DCAF7: variants seen among roughly 807,000 people sequenced by gnomAD.
DCAF7 encodes the protein DDB1- and CUL4-associated factor 7.
In DCAF7, 4 loss-of-function variants were observed where a neutral mutation model predicts 41.2. That is an observed-to-expected ratio of 0.10 (90% confidence interval 0.05 to 0.22). The LOEUF (loss-of-function observed/expected upper bound fraction) is 0.22, where lower values mean the gene tolerates loss of function less well. DCAF7 is among the 10% of genes least tolerant of loss of function. The pLI is 1.00. For missense variants in DCAF7, 131 were observed against 443.2 expected (o/e 0.30, Z 6.32); for synonymous variants, 143 against 164.2 (o/e 0.87, Z 0.99).
At chr17:63,566,794 T>G (rs2033447155) in intron 1 of DCAF7, among the ~76,000 whole-genome samples, 1 of 152,054 alleles carries the variant, frequency 6.6e-6, no homozygotes, top group Non-Finnish European at 1.5e-5. Flanking sequence ...TCCCAGCTCC[T>G]TAAGAGGCTG....
chr17:63,561,308 C>T (rs941371002), intron 1 of DCAF7, among the ~76,000 whole-genome samples: 5 of 152,002 alleles, frequency 3.3e-5, no homozygotes, highest in Admixed American at 1.3e-4. Flanking sequence ...AATAAAAAGT[C>T]ATAAGTCTTT....
At chr17:63,573,038 C>T (rs1246045663) in intron 1 of DCAF7, among the ~76,000 whole-genome samples, 5 of 152,228 alleles carry the variant, frequency 3.3e-5, no homozygotes, top group Admixed American at 2.6e-4. Context: ...GCTGAGACTA[C>T]AGGTGTGAGC....
At chr17:63,564,134 T>TACACACACACACACACAC (rs2033414641) in intron 1 of DCAF7, among the ~76,000 whole-genome samples, 1 of 107,508 alleles carries the variant, frequency 9.3e-6, no homozygotes, top group Non-Finnish European at 2.1e-5. Context: ...ATGTTAACTT[T>TACACACACACACACACAC]ATACACACAC....
intron 1 of DCAF7, among the ~76,000 whole-genome samples, chr17:63,564,679 A>G (rs964888852): frequency 6.6e-6 from 1 of 152,250 alleles, no homozygotes; most frequent in African/African-American, 2.4e-5. Flanking sequence ...TTGCCTGTCC[A>G]TGTAGGAGCA....
rs950777978 is a variant in DCAF7 at position 63,585,138 on chromosome 17, A to C, written c.739-73A>C. 10 of 1,220,170 alleles carry C rather than the reference A, an allele frequency of 8.2e-6. No individual in the cohort carries two copies. In the Admixed American group the frequency reaches 1.4e-4, roughly 17 times the overall value. The allele number at this position is 1,220,170 out of a possible 1,614,324, so 75.6% of individuals were successfully genotyped here. ...AAATTATGCCTAAAAAGATTTTTGC[A>C]TGTGGATAGTATTTTTTGTTTTTTT... is the stretch of plus-strand genomic sequence containing the variant. On this transcript the variant is annotated intron_variant, in intron 5 of 6. Transcript: ENST00000614556.
intron 1 of DCAF7, among the ~76,000 whole-genome samples, chr17:63,561,309 A>AT (rs2033378119): frequency 6.6e-6 from 1 of 152,234 alleles, no homozygotes; most frequent in Non-Finnish European, 1.5e-5. Flanking sequence ...ATAAAAAGTC[A>AT]TAAGTCTTTA....
Position 63,578,646 on chromosome 17 carries a change from T to C in DCAF7, c.297+18T>C, listed in dbSNP as rs1001163192. The C allele has an allele frequency of 6.2e-7, 1 of 1,613,848 alleles. No homozygotes were observed. The highest frequency in any genetic ancestry group is 1.3e-5 in the African/African-American group (1 of 75,070). On this transcript the variant is annotated intron_variant, in intron 2 of 6. Coordinates refer to ENST00000614556, the MANE Select transcript of DCAF7 (RefSeq NM_005828.5). Reference sequence around the variant, plus strand: ...TGTGGAGGGTAAGCGGATGCTTTATTAGCAGCCAGACAAGTGGGCTTTCTC... The same window carrying C: ...TGTGGAGGGTAAGCGGATGCTTTATCAGCAGCCAGACAAGTGGGCTTTCTC...
At chr17:63,562,970 G>A (rs935633660) in intron 1 of DCAF7, among the ~76,000 whole-genome samples, 3 of 151,802 alleles carry the variant, frequency 2.0e-5, no homozygotes, top group Non-Finnish European at 1.5e-5. Context: ...AATTACAGAC[G>A]CACAACACCC....
chr17:63,583,137 CTGAT>C lies in DCAF7; in HGVS notation c.529-362_529-359del, dbSNP rs1324273067. On this transcript the variant is annotated intron_variant, in intron 4 of 6. Transcript: ENST00000614556. The stretch of plus-strand genomic sequence containing the variant: ...CCTTAATGAGCTCGTAGACCTGCCT[CTGAT>C]TGTGCACAAGGCCCAGGAAATAAGT... 9.2e-5 allele frequency among the ~76,000 whole-genome samples: 14 copies of C among 152,260 alleles called. 1 individual carries two copies. Among genetic ancestry groups the C allele is most frequent in the African/African-American group, 2.6e-4 (11 of 41,534 alleles).
intron 1 of DCAF7, among the ~76,000 whole-genome samples, chr17:63,562,150 C>A (rs1004165901): frequency 3.3e-5 from 5 of 151,960 alleles, no homozygotes; most frequent in Admixed American, 6.6e-5. Context: ...ATTTCAAAGA[C>A]AACTTTAGTA....
At chr17:63,566,847 A>G (rs1471160980) in intron 1 of DCAF7, among the ~76,000 whole-genome samples, 8 of 152,178 alleles carry the variant, frequency 5.3e-5, no homozygotes, top group South Asian at 4.1e-4. Flanking sequence ...CTGGGAGGTC[A>G]AGGCTGCAGT....
chr17:63,583,771 C>T, intron 5 of DCAF7, 60 bp downstream of exon 5: 1 of 1,540,898 alleles, frequency 6.5e-7, no homozygotes, highest in Non-Finnish European at 8.9e-7. Flanking sequence ...CTTAGTATAT[C>T]TAGAAGGCTG....
At chr17:63,580,106 C>T (rs1358303964) in intron 4 of DCAF7, among the ~76,000 whole-genome samples, 163 bp downstream of exon 4, 2 of 152,084 alleles carry the variant, frequency 1.3e-5, no homozygotes, top group Non-Finnish European at 2.9e-5. Context: ...AACGGGAAAA[C>T]AACACTATTG....
Position 63,579,821 on chromosome 17 carries a change from G to A in DCAF7, c.410-4G>A. On this transcript the variant is annotated splice_polypyrimidine_tract_variant and splice_region_variant and intron_variant, in intron 3 of 6. Coordinates refer to ENST00000614556, the MANE Select transcript of DCAF7 (RefSeq NM_005828.5). ...CAGCCCTGACTTGCACTGGTTGTTT[G>A]CAGGTACCTCAAGCATTGATACGAC... 2.5e-6 allele frequency: 4 copies of A among 1,612,880 alleles called. No homozygotes were observed. In the Middle Eastern group the frequency reaches 6.6e-4, roughly 267 times the overall value.
chr17:63,585,429 G>A, intron 6 of DCAF7, 101 bp downstream of exon 6: 2 of 1,092,868 alleles, frequency 1.8e-6, no homozygotes, highest in South Asian at 2.8e-5. Context: ...GCACAGTCTT[G>A]AGAGATTTAT....
chr17:63,574,559 T>C (rs1191279926), intron 1 of DCAF7, among the ~76,000 whole-genome samples: 2 of 152,196 alleles, frequency 1.3e-5, no homozygotes, highest in African/African-American at 4.8e-5. Flanking sequence ...CTTAGGAATC[T>C]ACAAAAAAGC....
intron 1 of DCAF7, among the ~76,000 whole-genome samples, chr17:63,567,193 G>A (rs749432578): frequency 2.0e-5 from 3 of 152,112 alleles, no homozygotes; most frequent in Non-Finnish European, 4.4e-5. Context: ...GCATCAGTAA[G>A]GATTTTTGAG....
chr17:63,576,590 C>A (rs1273970308), intron 1 of DCAF7, among the ~76,000 whole-genome samples: 1 of 151,920 alleles, frequency 6.6e-6, no homozygotes, highest in African/African-American at 2.4e-5. Flanking sequence ...ATATTTGGGA[C>A]CTGGGATTAG....
rs200565822 is a variant in DCAF7 at position 63,582,255 on chromosome 17, C to T, written c.529-1247C>T. Among the ~76,000 whole-genome samples, 6 of 152,178 alleles carry T rather than the reference C, an allele frequency of 3.9e-5. No individual in the cohort carries two copies. The East Asian group carries it at 7.7e-4, about 20-fold the overall frequency. On this transcript the variant is annotated intron_variant, in intron 4 of 6. Coordinates refer to ENST00000614556, the MANE Select transcript of DCAF7 (RefSeq NM_005828.5). ...TTCATAGCCAGAAAAAAAAGGAATT[C>T]GTGAGGTTAAATAGCAATAGATGCT... is the stretch of plus-strand genomic sequence containing the variant.
Sources: gnomAD v4.1 joint callset for allele counts (sites outside exome capture counted in the v4.1 genomes callset) on GRCh38, gnomAD v4.1.1 for gene constraint, MANE v1.5 for transcripts, NCBI Gene and HGNC (gene_info 2026-07-23, HGNC 2026-07-21) for gene names.